SMPX: variants seen among roughly 807,000 people sequenced by gnomAD.
SMPX encodes the protein small muscle protein X-linked.
SMPX carries 2 observed loss-of-function variants against 6.3 expected under a neutral mutation model. The observed-to-expected ratio is 0.32, with a 90% confidence interval of 0.13 to 0.99. The LOEUF is 0.99. Among genes scored for constraint, SMPX ranks in the 50% least tolerant of loss-of-function variants. SMPX has a pLI of 0.49. For missense variants in SMPX, 60 were observed against 66.8 expected (o/e 0.90, Z 0.36); for synonymous variants, 32 against 24.7 (o/e 1.30, Z -0.88).
At chrX:21,712,093 T>G (rs1169523359) in intron 4 of SMPX, among the ~76,000 whole-genome samples, 1 of 112,071 alleles carries the variant, frequency 8.9e-6, no homozygotes, top group East Asian at 2.8e-4. Context: ...CAGCCTAGAA[T>G]TGCACCCAAA....
chrX:21,719,748 C>A (rs939434165), intron 4 of SMPX, among the ~76,000 whole-genome samples: 2 of 111,623 alleles, frequency 1.8e-5, no homozygotes, highest in Admixed American at 9.5e-5. Flanking sequence ...GACTCAAGGA[C>A]ATGAAGAAAA....
intron 4 of SMPX, among the ~76,000 whole-genome samples, chrX:21,732,037 C>T (rs1356941940): frequency 9.0e-6 from 1 of 110,498 alleles, no homozygotes; most frequent in Non-Finnish European, 1.9e-5. Flanking sequence ...TTGTTATGTA[C>T]TAAATGCACT....
chrX:21,749,722 T>A (rs2092825437), intron 2 of SMPX, among the ~76,000 whole-genome samples: 1 of 112,195 alleles, frequency 8.9e-6, no homozygotes, highest in Non-Finnish European at 1.9e-5. Context: ...GCCAGGTATA[T>A]GGTAAACCTT....
intron 4 of SMPX, among the ~76,000 whole-genome samples, chrX:21,715,310 ACGCGCG>A (rs747497147): frequency 3.4e-5 from 3 of 87,313 alleles, no homozygotes; most frequent in African/African-American, 1.4e-4. Context: ...GTGTGCGCGC[ACGCGCG>A]CGCGCTCGCG....
chrX:21,748,802 TA>T (rs886832065), intron 2 of SMPX, among the ~76,000 whole-genome samples: 4 of 112,753 alleles, frequency 3.5e-5, no homozygotes, highest in African/African-American at 1.3e-4. Flanking sequence ...GTTTTAAATT[TA>T]AATAAAATGT....
chrX:21,710,189 A>G (rs750951860), intron 4 of SMPX, among the ~76,000 whole-genome samples: 6 of 112,258 alleles, frequency 5.3e-5, no homozygotes, highest in Non-Finnish European at 1.1e-4. Flanking sequence ...GATAAAGAAA[A>G]TGTGGTATAT....
rs1021105115 is a variant in SMPX at position 21,743,747 on chromosome X, C to T, written c.132+3G>A. On this transcript the variant is annotated splice_donor_region_variant and intron_variant, in intron 3 of 4. Coordinates refer to ENST00000379494, the MANE Select transcript of SMPX (RefSeq NM_014332.3). ...TGTGTTCTGAGAGCTGAGTTTTCCT[C>T]ACCTCCTCCACTTCAGGAGTACATT... 8.3e-7 allele frequency: 1 copy of T among 1,197,958 alleles called. No homozygotes were observed. Among genetic ancestry groups the T allele is most frequent in the Non-Finnish European group, 1.1e-6 (1 of 883,161 alleles).
At chrX:21,722,960 C>T (rs1041425629) in intron 4 of SMPX, among the ~76,000 whole-genome samples, 1 of 111,968 alleles carries the variant, frequency 8.9e-6, no homozygotes. Context: ...ATTATTGCTT[C>T]ATTGATGCTT....
intron 2 of SMPX, among the ~76,000 whole-genome samples, chrX:21,748,794 T>G (rs887788856): frequency 2.7e-5 from 3 of 112,675 alleles, no homozygotes; most frequent in Admixed American, 9.4e-5. Context: ...TTTTTAATGT[T>G]TTAAATTTAA....
intron 4 of SMPX, among the ~76,000 whole-genome samples, chrX:21,733,195 T>C (rs945902806): frequency 8.9e-6 from 1 of 111,768 alleles, no homozygotes. Flanking sequence ...AGAGACTAAC[T>C]TGAGATTATG....
chrX:21,719,240 C>T (rs896860443), intron 4 of SMPX, among the ~76,000 whole-genome samples: 3 of 111,727 alleles, frequency 2.7e-5, no homozygotes, highest in Non-Finnish European at 5.6e-5. Flanking sequence ...AAAAGAGAGG[C>T]CGGGCGCAGT....
intron 4 of SMPX, among the ~76,000 whole-genome samples, chrX:21,719,209 T>A (rs1046128794): frequency 1.8e-5 from 2 of 112,048 alleles, no homozygotes; most frequent in Non-Finnish European, 3.8e-5. Flanking sequence ...CTTGTTGTTC[T>A]GGGTTTGATC....
intron 4 of SMPX, among the ~76,000 whole-genome samples, chrX:21,715,260 CTCTGTGTGTGTGTG>C (rs1262432337): frequency 1.8e-4 from 14 of 77,545 alleles, no homozygotes; most frequent in African/African-American, 7.5e-4. Context: ...ACTCACTCTG[CTCTGTGTGTGTGTG>C]TGTGTGTGTG....
intron 2 of SMPX, among the ~76,000 whole-genome samples, chrX:21,746,150 G>C (rs1294141675): frequency 1.8e-5 from 2 of 111,716 alleles, no homozygotes; most frequent in African/African-American, 6.5e-5. Flanking sequence ...CTTAACCAGG[G>C]AACTCTTCCT....
At chrX:21,729,936 C>T (rs865807069) in intron 4 of SMPX, among the ~76,000 whole-genome samples, 1 of 111,960 alleles carries the variant, frequency 8.9e-6, no homozygotes, top group Non-Finnish European at 1.9e-5. Context: ...GGGTCTAAAA[C>T]GAGAGTTTTG....
chrX:21,742,380 C>T (rs2092817001), intron 3 of SMPX, among the ~76,000 whole-genome samples: 1 of 112,070 alleles, frequency 8.9e-6, no homozygotes, highest in Admixed American at 9.4e-5. Context: ...TACTAGACTA[C>T]GCCATGTCCA....
At chrX:21,719,151 G>T (rs1349636554) in intron 4 of SMPX, among the ~76,000 whole-genome samples, 1 of 112,228 alleles carries the variant, frequency 8.9e-6, no homozygotes, top group Non-Finnish European at 1.9e-5. Context: ...CCTGAGGAGA[G>T]TTTTCCCTCC....
In SMPX at chrX:21,722,356, G is replaced by C. The variant is rs150314738; in HGVS notation, c.*14+15193C>G. 6.6e-3 allele frequency among the ~76,000 whole-genome samples: 739 copies of C among 112,305 alleles called. 7 individuals carry two copies. The highest frequency in any genetic ancestry group is 0.022 in the African/African-American group (686 of 30,894). ...TTTTTTGTCTCAGCATATATTTGAA[G>C]CTTGGCAAGGCCTTATTTAGAAATA... On this transcript the variant is annotated intron_variant, in intron 4 of 4. Coordinates refer to ENST00000379494, the MANE Select transcript of SMPX (RefSeq NM_014332.3).
At chrX:21,722,138 G>C (rs1340688695) in intron 4 of SMPX, among the ~76,000 whole-genome samples, 1 of 111,268 alleles carries the variant, frequency 9.0e-6, no homozygotes, top group Non-Finnish European at 1.9e-5. Context: ...TCCAGTCTGG[G>C]CAACAGAGTG....
Sources: allele counts gnomAD v4.1 joint callset (sites outside exome capture counted in the v4.1 genomes callset), GRCh38; gene constraint gnomAD v4.1.1; transcripts MANE v1.5; gene names NCBI Gene and HGNC (gene_info 2026-07-23, HGNC 2026-07-21).